Variants in MAML3 observed in about 807,000 individuals in gnomAD.
MAML3 encodes mastermind-like protein 3.
Under a neutral mutation model 101.9 loss-of-function variants are expected in MAML3, and 27 were observed. The observed-to-expected ratio is 0.27, with a 90% CI of 0.20 to 0.37. The LOEUF (loss-of-function observed/expected upper bound fraction) is 0.37. MAML3 is among the 10% of genes least tolerant of loss of function. The pLI is 1.00. For synonymous variants in MAML3, 501 were observed against 555.9 expected (o/e 0.90, Z 1.39); for missense variants, 1,316 against 1,444.9 (o/e 0.91, Z 1.45).
rs538470113 is a variant in MAML3, at chr4:139,810,624, T to G, written c.2079+78733A>C. ...TCCCAGAGAAGGAAACTAACACTTA[T>G]GGAGGGCACATTATGTGTCAGGTAT... is the stretch of plus-strand genomic sequence containing the variant. On this transcript the variant is annotated intron_variant, in intron 2 of 4. Transcript: ENST00000509479. Among the ~76,000 whole-genome samples the G allele has an allele frequency of 5.3e-5, 8 of 152,340 alleles. No homozygotes were observed. The East Asian group carries it at 1.3e-3, about 26-fold the overall frequency.
intron 1 of MAML3, among the ~76,000 whole-genome samples, chr4:140,060,367 A>AAAAAAAAAAAAAAAAAAAAC: frequency 7.0e-6 from 1 of 143,574 alleles, no homozygotes; most frequent in Non-Finnish European, 1.5e-5. Flanking sequence ...CTCTGTCTCA[A>AAAAAAAAAAAAAAAAAAAAC]AAAAAAAAAA....
At chr4:139,792,301 G>A (rs1450275814) in intron 2 of MAML3, among the ~76,000 whole-genome samples, 1 of 152,116 alleles carries the variant, frequency 6.6e-6, no homozygotes, top group Admixed American at 6.5e-5. Context: ...ATGAGCAAAC[G>A]ATATCCTTTA....
At chr4:139,758,472 T>G (rs1318079619) in intron 2 of MAML3, among the ~76,000 whole-genome samples, 1 of 152,328 alleles carries the variant, frequency 6.6e-6, no homozygotes, top group Non-Finnish European at 1.5e-5. Context: ...GAAAGACTGA[T>G]GTATGCCCAG....
At chr4:139,903,147 A>G (rs1226841774) in intron 1 of MAML3, among the ~76,000 whole-genome samples, 1 of 152,222 alleles carries the variant, frequency 6.6e-6, no homozygotes, top group Non-Finnish European at 1.5e-5. Flanking sequence ...TTCACAATGA[A>G]TTCTTTAAAA....
chr4:140,042,965 C>T (rs969368013), intron 1 of MAML3, among the ~76,000 whole-genome samples: 2 of 152,108 alleles, frequency 1.3e-5, no homozygotes, highest in African/African-American at 4.8e-5. Flanking sequence ...GTGTAATGCC[C>T]TTACAGGCTC....
intron 2 of MAML3, among the ~76,000 whole-genome samples, chr4:139,781,641 A>G (rs13125256): frequency 0.15 from 23,207 of 151,466 alleles, 1,937 homozygotes; most frequent in African/African-American, 0.2. Flanking sequence ...GTGGGCAAAG[A>G]GGGGAGAATG....
intron 1 of MAML3, among the ~76,000 whole-genome samples, chr4:140,047,262 T>G (rs1727197345): frequency 6.6e-6 from 1 of 151,796 alleles, no homozygotes; most frequent in African/African-American, 2.4e-5. Context: ...CAAGTGCAGA[T>G]TTGGGGGGAA....
At chr4:139,817,269 A>G (rs1243208959) in intron 2 of MAML3, among the ~76,000 whole-genome samples, 2 of 152,242 alleles carry the variant, frequency 1.3e-5, no homozygotes, top group African/African-American at 4.8e-5. Flanking sequence ...AACAAACATC[A>G]AAAAACTCAC....
At chr4:139,958,212 C>T (rs929335676) in intron 1 of MAML3, among the ~76,000 whole-genome samples, 1 of 152,274 alleles carries the variant, frequency 6.6e-6, no homozygotes, top group South Asian at 2.1e-4. Context: ...TCTGGCTACC[C>T]TCCTTGCTGG....
rs1355459048 is a variant in MAML3 at position 139,890,442 on chromosome 4, C to T, written c.994G>A (p.Asp332Asn). Residue 332 changes from aspartate to asparagine, a missense_variant, in exon 2 of 5, where the codon GAC becomes AAC. By Grantham distance (23) the Asp-to-Asn change is conservative (BLOSUM62 1). Transcript: ENST00000509479. This position sits in a 1 kb window ranked among gnomAD's most constrained non-coding sequence, Gnocchi z 4.1. The part of the protein sequence containing the change: ...EDDIQDLFNE[D>N]FEEKKEPEFS... ...TCTGGCTCCTTCTTCTCTTCAAAGT[C>T]TTCGTTGAACAGGTCCTGTATGTCA... 6.2e-7 allele frequency: 1 copy of T among 1,609,766 alleles called. No individual in the cohort carries two copies. Among genetic ancestry groups the T allele is most frequent in the African/African-American group, 1.3e-5 (1 of 74,788 alleles).
At chr4:139,798,064 GAAAGAAAGAAAGAAAGAA>G (rs1458880554) in intron 2 of MAML3, among the ~76,000 whole-genome samples, 1 of 150,424 alleles carries the variant, frequency 6.6e-6, no homozygotes, top group Non-Finnish European at 1.5e-5. Flanking sequence ...AAGAAAGAAA[GAAAGAAAGAAAGAAAGAA>G]AGAAAGAAAG....
chr4:139,978,141 T>G (rs1221808073), intron 1 of MAML3, among the ~76,000 whole-genome samples: 3 of 152,116 alleles, frequency 2.0e-5, no homozygotes, highest in Non-Finnish European at 2.9e-5. Context: ...AGGTCTGTGC[T>G]CCTTCTCCTT....
At chr4:139,958,741 C>G (rs1417365101) in intron 1 of MAML3, among the ~76,000 whole-genome samples, 1 of 152,172 alleles carries the variant, frequency 6.6e-6, no homozygotes, top group Non-Finnish European at 1.5e-5. Context: ...AACTCCACCC[C>G]CATTTTGTTT....
At chr4:139,747,007 G>T (rs1729347483) in intron 2 of MAML3, among the ~76,000 whole-genome samples, 2 of 152,164 alleles carry the variant, frequency 1.3e-5, no homozygotes. Flanking sequence ...AAGGCTTGCA[G>T]CAATTGCTTC....
At chr4:139,802,899 TA>T (rs1730633260) in intron 2 of MAML3, among the ~76,000 whole-genome samples, 1 of 152,260 alleles carries the variant, frequency 6.6e-6, no homozygotes, top group Non-Finnish European at 1.5e-5. Context: ...GTTCCAAATG[TA>T]AGAGGTATTA....
At chr4:140,025,363 T>A (rs1726805277) in intron 1 of MAML3, among the ~76,000 whole-genome samples, 1 of 152,208 alleles carries the variant, frequency 6.6e-6, no homozygotes, top group Admixed American at 6.5e-5. Context: ...GAACTGAGTA[T>A]GACAAAATCT....
At chr4:139,816,708 T>C (rs573492541) in intron 2 of MAML3, among the ~76,000 whole-genome samples, 3 of 152,138 alleles carry the variant, frequency 2.0e-5, no homozygotes, top group African/African-American at 7.2e-5. Context: ...GCCTACTAAG[T>C]GTAGGTCTTT....
At chr4:139,772,087 A>T (rs1190712136) in intron 2 of MAML3, among the ~76,000 whole-genome samples, 2 of 151,404 alleles carry the variant, frequency 1.3e-5, no homozygotes, top group Admixed American at 6.6e-5. Flanking sequence ...AAAAATACAA[A>T]AAATTAGCTG....
chr4:139,735,166 A>G lies in MAML3; in HGVS notation c.2080-4499T>C, dbSNP rs1016984633. Among the ~76,000 whole-genome samples, 8 of 152,250 alleles carry G rather than the reference A, an allele frequency of 5.3e-5. No individual in the cohort carries two copies. The highest frequency in any genetic ancestry group is 4.1e-4 in the South Asian group (2 of 4,834). ...TACAGCAGGTAGCCTGGCAACTGAG[A>G]GCACAATACCGAGCAGATGGTGTTC... is the stretch of plus-strand genomic sequence containing the variant. On this transcript the variant is annotated intron_variant, in intron 2 of 4. Transcript: ENST00000509479. The surrounding 1 kb of genome is among the most constrained non-coding windows in gnomAD (Gnocchi z 5.8).
Sources: gnomAD v4.1 joint callset for allele counts (sites outside exome capture counted in the v4.1 genomes callset) on GRCh38, gnomAD v4.1.1 for gene constraint, Gnocchi (gnomAD v3.1) non-coding constraint, MANE v1.5 for transcripts, NCBI Gene and HGNC (gene_info 2026-07-23, HGNC 2026-07-21) for gene names.